Variants in FARP1 observed in about 807,000 individuals in gnomAD.
The protein encoded by FARP1 is FERM, ARHGEF and pleckstrin domain-containing protein 1.
Under a neutral mutation model 128.8 loss-of-function variants are expected in FARP1, and 52 were observed. That is an observed-to-expected ratio of 0.40 (90% CI 0.32 to 0.51). FARP1 has a LOEUF of 0.51. Among genes scored for constraint, FARP1 ranks in the 20% least tolerant of loss-of-function variants. The probability of loss-of-function intolerance (pLI) is 0.45; values close to 1 mark genes in which losing one functional copy is unlikely to be tolerated. For synonymous variants in FARP1, 580 were observed against 551.8 expected, an observed-to-expected ratio of 1.05 and a Z score of -0.72; for missense variants, 1,333 against 1,367.9, an observed-to-expected ratio of 0.97 and a Z score of 0.40.
intron 2 of FARP1, among the ~76,000 whole-genome samples, chr13:98,278,185 G>A (rs1010478844): frequency 6.6e-6 from 1 of 151,296 alleles, no homozygotes; most frequent in African/African-American, 2.4e-5. Flanking sequence ...GTGTGTGTGT[G>A]TGTGTATGTT....
intron 2 of FARP1, among the ~76,000 whole-genome samples, chr13:98,309,352 G>A (rs1483639535): frequency 1.3e-5 from 2 of 149,550 alleles, no homozygotes; most frequent in African/African-American, 2.5e-5. Context: ...TGTATTTTTA[G>A]TAGAGACGGG....
chr13:98,336,802 G>A (rs1299757928), intron 2 of FARP1, among the ~76,000 whole-genome samples: 1 of 152,186 alleles, frequency 6.6e-6, no homozygotes, highest in African/African-American at 2.4e-5. Flanking sequence ...CAACTGGTTG[G>A]TGCGCTAGAT....
At chr13:98,305,717 CAAT>C (rs1426261634) in intron 2 of FARP1, among the ~76,000 whole-genome samples, 1 of 152,196 alleles carries the variant, frequency 6.6e-6, no homozygotes, top group Non-Finnish European at 1.5e-5. Flanking sequence ...TCATTTCTGT[CAAT>C]AATCCACCTT....
intron 1 of FARP1, among the ~76,000 whole-genome samples, chr13:98,152,119 C>T (rs1043321633): frequency 1.3e-5 from 2 of 152,184 alleles, no homozygotes; most frequent in African/African-American, 2.4e-5. Context: ...TAAAGGGGCT[C>T]CCAGTTCATG....
chr13:98,446,407 T>C, intron 25 of FARP1: 1 of 601,580 alleles, frequency 1.7e-6, no homozygotes. Context: ...GAAGGACAAC[T>C]TCTGCCCTAG....
intron 2 of FARP1, among the ~76,000 whole-genome samples, chr13:98,218,244 C>T (rs1176130662): frequency 6.6e-6 from 1 of 152,074 alleles, no homozygotes; most frequent in Non-Finnish European, 1.5e-5. Flanking sequence ...AACTGCCAGG[C>T]CTCTCCCAGG....
intron 3 of FARP1, among the ~76,000 whole-genome samples, chr13:98,362,168 G>A (rs1266757940): frequency 6.6e-6 from 1 of 152,198 alleles, no homozygotes; most frequent in East Asian, 1.9e-4. Flanking sequence ...GGAAGCTGAG[G>A]TGGGAGGATT....
At position 98,376,603 on chromosome 13, in the gene FARP1, C is replaced by T. The variant is rs1303824649; in HGVS notation, c.399-1218C>T. Among the ~76,000 whole-genome samples, 11 of 152,238 alleles carry T rather than the reference C, an allele frequency of 7.2e-5. 1 individual carries two copies. The South Asian group carries it at 2.3e-3, about 32-fold the overall frequency. ...CATGGGAGTGCAGATATCTCTTTGACATACTGTTTTCCTTTCTTTTCGGTA... is the reference window on the plus strand; with the variant it reads ...CATGGGAGTGCAGATATCTCTTTGATATACTGTTTTCCTTTCTTTTCGGTA... On this transcript the variant is annotated intron_variant, in intron 5 of 26. Transcript: ENST00000319562.
intron 17 of FARP1, among the ~76,000 whole-genome samples, chr13:98,425,743 G>C (rs143942746): frequency 6.6e-6 from 1 of 152,282 alleles, no homozygotes; most frequent in African/African-American, 2.4e-5. Flanking sequence ...ACATAAAAGT[G>C]AAAGTATATC....
At chr13:98,309,332 AT>A (rs35611897) in intron 2 of FARP1, among the ~76,000 whole-genome samples, 8 of 143,842 alleles carry the variant, frequency 5.6e-5, no homozygotes, top group Admixed American at 6.9e-5. Flanking sequence ...ACGCCCGGCT[AT>A]TTTTTTTTTG....
chr13:98,193,750 A>C (rs1266611433), intron 1 of FARP1, among the ~76,000 whole-genome samples: 1 of 152,192 alleles, frequency 6.6e-6, no homozygotes, highest in East Asian at 1.9e-4. Context: ...TCCAGCTATG[A>C]TATGGCTCTA....
chr13:98,171,818 C>T (rs977957829), intron 1 of FARP1, among the ~76,000 whole-genome samples: 9 of 152,180 alleles, frequency 5.9e-5, no homozygotes, highest in East Asian at 1.9e-4. Context: ...CCTCTGAACT[C>T]GTCTGAGAGT....
At chr13:98,422,054 G>A (rs1891613710) in intron 16 of FARP1, among the ~76,000 whole-genome samples, 1 of 152,160 alleles carries the variant, frequency 6.6e-6, no homozygotes, top group African/African-American at 2.4e-5. Flanking sequence ...CAAATAGGAG[G>A]GCTTGTATAG....
chr13:98,215,815 G>T (rs1395421250), intron 2 of FARP1, among the ~76,000 whole-genome samples: 4 of 150,180 alleles, frequency 2.7e-5, no homozygotes, highest in Admixed American at 1.3e-4. Flanking sequence ...TTTTTGAGAC[G>T]GAGTCTTGCT....
chr13:98,233,987 C>G (rs939457753), intron 2 of FARP1: 1 of 152,264 alleles, frequency 6.6e-6, no homozygotes, highest in Non-Finnish European at 1.5e-5. Context: ...GCGTCTGCCT[C>G]CAACTCTGAG....
chr13:98,453,254 A>C lies in FARP1; in HGVS notation c.*4937A>C. The C allele has an allele frequency of 6.3e-7, 1 of 1,585,944 alleles. No individual in the cohort carries two copies. Among genetic ancestry groups the C allele is most frequent in the Non-Finnish European group, 8.6e-7 (1 of 1,167,496 alleles). On this transcript the variant is annotated 3_prime_UTR_variant, in exon 27 of 27. Coordinates refer to ENST00000319562, the MANE Select transcript of FARP1 (RefSeq NM_005766.4). ...GAGAAGTCAACACATGTCATTTCTCATCCCTGTGCAAAAATTCATATAGTA... is the reference window on the plus strand; with the variant it reads ...GAGAAGTCAACACATGTCATTTCTCCTCCCTGTGCAAAAATTCATATAGTA...
chr13:98,210,282 A>G (rs944419382), intron 1 of FARP1, among the ~76,000 whole-genome samples: 4 of 151,840 alleles, frequency 2.6e-5, no homozygotes, highest in African/African-American at 7.3e-5. Flanking sequence ...TTCTTTCTCC[A>G]TGACCCTCAC....
chr13:98,240,911 G>T (rs1462578435), intron 2 of FARP1, among the ~76,000 whole-genome samples: 1 of 152,204 alleles, frequency 6.6e-6, no homozygotes. Context: ...ATTGAGCTTT[G>T]CCCTGGACTT....
intron 16 of FARP1, among the ~76,000 whole-genome samples, chr13:98,418,378 A>G (rs1352419198): frequency 1.3e-5 from 2 of 151,940 alleles, no homozygotes; most frequent in African/African-American, 4.8e-5. Context: ...AGGTTCAAGC[A>G]ATTCTCCTGC....
Sources: gnomAD v4.1 joint callset for allele counts (sites outside exome capture counted in the v4.1 genomes callset) on GRCh38, gnomAD v4.1.1 for gene constraint, MANE v1.5 for transcripts, NCBI Gene and HGNC (gene_info 2026-07-23, HGNC 2026-07-21) for gene names.